FUT9: variants seen among roughly 807,000 people sequenced by gnomAD.
FUT9 encodes fucosyltransferase 9, also known as 4-galactosyl-N-acetylglucosaminide 3-alpha-L-fucosyltransferase 9.
A neutral mutation model predicts 29.7 loss-of-function variants in FUT9; 15 were observed. That is an observed-to-expected ratio of 0.51 (90% CI 0.34 to 0.78). FUT9 has a LOEUF of 0.78. Ranked by LOEUF, FUT9 falls within the 30% of genes least tolerant of loss-of-function variation. FUT9 has a pLI of 0.01. For synonymous variants in FUT9, 169 were observed against 153.7 expected, an observed-to-expected ratio of 1.10 and a Z score of -0.74; for missense variants, 319 against 425.4, an observed-to-expected ratio of 0.75 and a Z score of 2.20.
chr6:96,201,667 C>T (rs1773728086), intron 2 of FUT9, among the ~76,000 whole-genome samples: 1 of 151,942 alleles, frequency 6.6e-6, no homozygotes, highest in African/African-American at 2.4e-5. Context: ...CTTCATAATT[C>T]TTTCCTGATT....
chr6:96,079,597 C>T (rs1270195921), intron 1 of FUT9, among the ~76,000 whole-genome samples: 2 of 152,014 alleles, frequency 1.3e-5, no homozygotes, highest in Admixed American at 6.6e-5. Flanking sequence ...TTAGTCTTCT[C>T]GATATTGGCA....
chr6:96,108,688 T>C (rs534278774), intron 1 of FUT9, among the ~76,000 whole-genome samples: 2 of 152,330 alleles, frequency 1.3e-5, no homozygotes, highest in Non-Finnish European at 2.9e-5. Flanking sequence ...GACATTATCC[T>C]TGTTATGCTT....
intron 1 of FUT9, among the ~76,000 whole-genome samples, chr6:96,078,152 A>G (rs1771170717): frequency 1.3e-5 from 2 of 152,034 alleles, no homozygotes; most frequent in Admixed American, 1.3e-4. Context: ...TTTTCATTAC[A>G]ACTTTCTCCC....
chr6:96,126,908 A>T (rs1772143930), intron 2 of FUT9, among the ~76,000 whole-genome samples: 1 of 152,266 alleles, frequency 6.6e-6, no homozygotes, highest in South Asian at 2.1e-4. Context: ...ATAATTGAGC[A>T]GAAAATTTCA....
intron 1 of FUT9, among the ~76,000 whole-genome samples, chr6:96,030,128 TCAAA>T (rs1159109761): frequency 1.3e-5 from 2 of 151,552 alleles, no homozygotes; most frequent in Non-Finnish European, 3.0e-5. Flanking sequence ...AACAACATCC[TCAAA>T]CAGTTTGACA....
intron 1 of FUT9, among the ~76,000 whole-genome samples, chr6:96,059,538 G>A (rs117862171): frequency 0.011 from 1,737 of 152,278 alleles, 17 homozygotes; most frequent in Non-Finnish European, 0.018. Context: ...TATGTATGGT[G>A]GAGTTTGACA....
intron 1 of FUT9, among the ~76,000 whole-genome samples, chr6:96,036,465 G>A (rs1049688123): frequency 2.6e-5 from 4 of 151,802 alleles, no homozygotes; most frequent in Non-Finnish European, 5.9e-5. Context: ...TAAATGCTAA[G>A]TAATTCACAT....
At chr6:96,068,606 T>C (rs144703571) in intron 1 of FUT9, among the ~76,000 whole-genome samples, 89 of 152,298 alleles carry the variant, frequency 5.8e-4, no homozygotes, top group Admixed American at 1.5e-3. Context: ...TCTGAATAAA[T>C]TGAAAAATAA....
At chr6:96,159,584 C>CT (rs1235053899) in intron 2 of FUT9, among the ~76,000 whole-genome samples, 1 of 152,060 alleles carries the variant, frequency 6.6e-6, no homozygotes, top group Non-Finnish European at 1.5e-5. Context: ...CTGACTAAAT[C>CT]TTTTTGACTT....
intron 1 of FUT9, among the ~76,000 whole-genome samples, chr6:96,083,594 C>T (rs977133859): frequency 6.6e-6 from 1 of 151,960 alleles, no homozygotes; most frequent in Non-Finnish European, 1.5e-5. Flanking sequence ...TCCACTTAAA[C>T]CCCTTCAGCA....
chr6:96,133,516 T>G (rs1459367407), intron 2 of FUT9, among the ~76,000 whole-genome samples: 1 of 151,946 alleles, frequency 6.6e-6, no homozygotes, highest in African/African-American at 2.4e-5. Context: ...ACTGGTTGGT[T>G]AGGGAACCCT....
At chr6:96,039,193 T>C (rs918048679) in intron 1 of FUT9, among the ~76,000 whole-genome samples, 1 of 151,978 alleles carries the variant, frequency 6.6e-6, no homozygotes, top group Non-Finnish European at 1.5e-5. Flanking sequence ...GAACTGAACA[T>C]CATTCAGTTA....
intron 1 of FUT9, among the ~76,000 whole-genome samples, chr6:96,099,359 C>T (rs999809474): frequency 2.6e-5 from 4 of 152,084 alleles, no homozygotes; most frequent in Non-Finnish European, 5.9e-5. Flanking sequence ...ACTGTACATG[C>T]TATTCTGATT....
intron 1 of FUT9, among the ~76,000 whole-genome samples, chr6:96,113,583 C>T (rs1015385511): frequency 1.3e-5 from 2 of 149,136 alleles, no homozygotes; most frequent in East Asian, 2.2e-4. Flanking sequence ...GGGCTGGGTG[C>T]GGTGGCTCAC....
chr6:96,148,261 G>C (rs1772610112), intron 2 of FUT9, among the ~76,000 whole-genome samples: 1 of 152,172 alleles, frequency 6.6e-6, no homozygotes, highest in Non-Finnish European at 1.5e-5. Context: ...CAGGGTCTCA[G>C]ATTCCAACCT....
chr6:96,035,568 T>C (rs916153915), intron 1 of FUT9, among the ~76,000 whole-genome samples: 2 of 147,918 alleles, frequency 1.4e-5, no homozygotes, highest in African/African-American at 2.5e-5. Context: ...TGAAGATCAA[T>C]GTAATATTTA....
intron 1 of FUT9, among the ~76,000 whole-genome samples, chr6:96,106,488 G>T (rs1376002100): frequency 4.6e-5 from 7 of 152,076 alleles, no homozygotes; most frequent in Admixed American, 4.6e-4. Context: ...CCCAATCCCA[G>T]TTCCAAGAGG....
At chr6:96,187,452 G>A (rs1354784705) in intron 2 of FUT9, among the ~76,000 whole-genome samples, 2 of 152,100 alleles carry the variant, frequency 1.3e-5, no homozygotes, top group African/African-American at 4.8e-5. Flanking sequence ...TCTCAGACTA[G>A]TGGCAGCCAA....
intron 2 of FUT9, among the ~76,000 whole-genome samples, chr6:96,188,710 G>GATATATATATATATATATAT (rs57955007): frequency 1.4e-5 from 2 of 146,346 alleles, no homozygotes; most frequent in African/African-American, 5.0e-5. Context: ...TATATTATTT[G>GATATATATATATATATATAT]ATATATATAT....
Sources: allele counts gnomAD v4.1 joint callset (sites outside exome capture counted in the v4.1 genomes callset), GRCh38; gene constraint gnomAD v4.1.1; transcripts MANE v1.5; gene names NCBI Gene and HGNC (gene_info 2026-07-23, HGNC 2026-07-21).